Variants in CACYBP observed in about 807,000 individuals in gnomAD.
The protein encoded by CACYBP is calcyclin binding protein, also known as calcyclin-binding protein.
Under a neutral mutation model 29.6 loss-of-function variants are expected in CACYBP, and 11 were observed. That is an observed-to-expected ratio of 0.37 (90% CI 0.23 to 0.61). The LOEUF is 0.61. Among genes scored for constraint, CACYBP ranks in the 20% least tolerant of loss-of-function variants. The pLI is 0.65. For synonymous variants in CACYBP, 73 were observed against 88.3 expected, an observed-to-expected ratio of 0.83 and a Z score of 0.97; for missense variants, 163 against 260.7, an observed-to-expected ratio of 0.63 and a Z score of 2.58.
At chr1:175,007,556 G>A (rs1394934944) in intron 4 of CACYBP, among the ~76,000 whole-genome samples, 1 of 152,218 alleles carries the variant, frequency 6.6e-6, no homozygotes, top group Non-Finnish European at 1.5e-5. Context: ...AGGTAGTTAA[G>A]AGTGAGACTT....
intron 1 of CACYBP, 70 bp from the exon 2 acceptor site, chr1:175,004,544 T>C (rs898321152): frequency 1.1e-6 from 1 of 903,894 alleles, no homozygotes; most frequent in Admixed American, 3.0e-5. Context: ...TAAGTTGAAA[T>C]GAGTGATACG....
At chr1:175,005,883 ACT>A (rs1248014347) in intron 2 of CACYBP, among the ~76,000 whole-genome samples, 1 of 152,076 alleles carries the variant, frequency 6.6e-6, no homozygotes, top group Non-Finnish European at 1.5e-5. Flanking sequence ...TTTCATCAAC[ACT>A]GTTTCTTTTT....
Position 174,999,967 on chromosome 1 carries a change from G to C in CACYBP, c.-214G>C, listed in dbSNP as rs969520096. ...GGCTTGGCGGGCTGTGCGTGCTCGC[G>C]GTGGGCGGTGGCGGCGGCTGCCTCG... On this transcript the variant is annotated 5_prime_UTR_variant, in exon 1 of 6. Coordinates refer to ENST00000367679, the MANE Select transcript of CACYBP (RefSeq NM_014412.3). The C allele has an allele frequency of 1.2e-5, 8 of 641,256 alleles. No individual in the cohort carries two copies. The highest frequency in any genetic ancestry group is 2.0e-5 in the African/African-American group (1 of 51,244). 39.7% of individuals were successfully genotyped at this position (641,256 alleles called of 1,614,324 possible). A position where few individuals can be genotyped will look rare whatever the true frequency, so the allele number is the denominator to read the frequency against.
intron 3 of CACYBP, 42 bp downstream of exon 3, chr1:175,006,883 C>A: frequency 9.2e-7 from 1 of 1,089,920 alleles, no homozygotes; most frequent in Non-Finnish European, 1.4e-6. Context: ...AATTAACAGT[C>A]AACATTGCCT....
intron 4 of CACYBP, among the ~76,000 whole-genome samples, chr1:175,008,314 C>T (rs1672666678): frequency 6.6e-6 from 1 of 152,128 alleles, no homozygotes; most frequent in Non-Finnish European, 1.5e-5. Context: ...GGCTTCGGCT[C>T]AGATTTGCCT....
chr1:175,004,867 C>T, intron 2 of CACYBP, 34 bp downstream of exon 2: 1 of 1,302,212 alleles, frequency 7.7e-7, no homozygotes, highest in Non-Finnish European at 1.1e-6. Flanking sequence ...AGTTCTGCCT[C>T]CGAGCAACCT....
intron 5 of CACYBP, among the ~76,000 whole-genome samples, chr1:175,009,515 A>G (rs1287415783): frequency 2.6e-5 from 4 of 151,748 alleles, no homozygotes; most frequent in Non-Finnish European, 5.9e-5. Flanking sequence ...GCATGGTGGC[A>G]TGTGCCTGTA....
Position 174,999,981 on chromosome 1 carries a change from G to A in CACYBP, c.-200G>A. The A allele has an allele frequency of 1.4e-6, 1 of 697,064 alleles. No individual in the cohort carries two copies. The highest frequency in any genetic ancestry group is 2.3e-6 in the Non-Finnish European group (1 of 429,374). 43.2% of individuals were successfully genotyped at this position (697,064 alleles called of 1,614,324 possible). ...TGCGTGCTCGCGGTGGGCGGTGGCG[G>A]CGGCTGCCTCGCGAAGGTTCGAGAT... On this transcript the variant is annotated 5_prime_UTR_variant, in exon 1 of 6. Coordinates refer to ENST00000367679, the MANE Select transcript of CACYBP (RefSeq NM_014412.3).
Position 175,000,566 on chromosome 1 carries a change from A to G in CACYBP, c.15+371A>G, listed in dbSNP as rs889784602. 3 of 1,156,290 alleles carry G rather than the reference A, an allele frequency of 2.6e-6. No homozygotes were observed. In the South Asian group the frequency reaches 6.4e-5, roughly 25 times the overall value. 71.6% of individuals were successfully genotyped at this position (1,156,290 alleles called of 1,614,324 possible). On this transcript the variant is annotated intron_variant, in intron 1 of 5. Coordinates refer to ENST00000367679, the MANE Select transcript of CACYBP (RefSeq NM_014412.3). ...CATTCAAGCAAAGCTGGGTGCAAAC[A>G]TGAGTGTCGTTCTTGGTAGAGGGCG... is the stretch of plus-strand genomic sequence containing the variant.
At chr1:175,004,036 A>G (rs770670959) in intron 1 of CACYBP, among the ~76,000 whole-genome samples, 16 of 152,234 alleles carry the variant, frequency 1.1e-4, no homozygotes, top group Non-Finnish European at 2.1e-4. Context: ...ACTTTTCCTC[A>G]AAAGCAGAAA....
chr1:175,004,975 C>T (rs1558324887), intron 2 of CACYBP, 142 bp downstream of exon 2: 1 of 701,986 alleles, frequency 1.4e-6, no homozygotes, highest in Non-Finnish European at 2.6e-6. Context: ...TTTAATAAAA[C>T]TTTTTTAAGA....
chr1:175,000,519 C>T, intron 1 of CACYBP: 2 of 1,261,248 alleles, frequency 1.6e-6, no homozygotes, highest in Non-Finnish European at 2.0e-6. Context: ...CCCTGGTTTC[C>T]CAGCCAGTGG....
intron 2 of CACYBP, 132 bp downstream of exon 2, chr1:175,004,965 T>C (rs750023265): frequency 2.8e-5 from 20 of 717,492 alleles, no homozygotes; most frequent in East Asian, 1.3e-4. Context: ...TCAGTTTTTA[T>C]TTAATAAAAC....
Position 175,008,622 on chromosome 1 carries a change from C to T in CACYBP, c.446C>T (p.Thr149Ile), listed in dbSNP as rs1369721180. The change falls in exon 5 of 6, where the codon ACA becomes ATA. Residue 149 changes from threonine to isoleucine, a missense_variant. Transcript: ENST00000367679. The stretch of plus-strand genomic sequence containing the variant: ...CTTTTCTTCCAGGTCAAGACTGATA[C>T]AGTTCTTATATTGTGTAGAAAGAAA... Reference protein sequence around the residue: ...EGSSKKVKTDTVLILCRKKVE... With the variant: ...EGSSKKVKTDIVLILCRKKVE... The T allele has an allele frequency of 2.0e-6, 3 of 1,533,446 alleles. No individual in the cohort carries two copies. The highest frequency in any genetic ancestry group is 1.4e-5 in the African/African-American group (1 of 73,274). The allele number at this position is 1,533,446 out of a possible 1,614,324, so 95.0% of individuals were successfully genotyped here. A position where few individuals can be genotyped will look rare whatever the true frequency, so the allele number is the denominator to read the frequency against.
chr1:175,004,076 T>A (rs1672557929), intron 1 of CACYBP, among the ~76,000 whole-genome samples: 1 of 152,200 alleles, frequency 6.6e-6, no homozygotes, highest in South Asian at 2.1e-4. Flanking sequence ...TCTTAAAAAT[T>A]AAGACTTTTT....
rs747587553 is a variant in CACYBP at position 175,008,641 on chromosome 1, A to G, written c.465A>G (p.Arg155=). The change falls in exon 5 of 6, where the codon AGA becomes AGG. Residue 155 remains arginine, a synonymous_variant. Coordinates refer to ENST00000367679, the MANE Select transcript of CACYBP (RefSeq NM_014412.3). The part of the protein sequence containing the change: ...VKTDTVLILC[R]KKVENTRWDY... ...CTGATACAGTTCTTATATTGTGTAGAAAGAAAGTGGAAAACACAAGGTGGG... is the reference window on the plus strand; with the variant it reads ...CTGATACAGTTCTTATATTGTGTAGGAAGAAAGTGGAAAACACAAGGTGGG... The G allele has an allele frequency of 2.5e-6, 4 of 1,591,652 alleles. No homozygotes were observed. The highest frequency in any genetic ancestry group is 3.4e-6 in the Non-Finnish European group (4 of 1,159,730).
rs1340500055 is a variant in CACYBP at position 175,004,652 on chromosome 1, A to G, written c.54A>G (p.Glu18=). The G allele has an allele frequency of 5.0e-6, 8 of 1,611,286 alleles. No homozygotes were observed. The South Asian group carries it at 8.8e-5, about 18-fold the overall frequency. The change falls in exon 2 of 6, where the codon GAA becomes GAG. Residue 18 remains glutamate (E), a synonymous_variant. Transcript: ENST00000367679. ...TAGAAGAGGTAAAGGTGTTGCTGGA[A>G]AAGGCTACTAGGAAAAGAGTACGTG... ...KDLEEVKVLL[E]KATRKRVRDA...
intron 5 of CACYBP, among the ~76,000 whole-genome samples, chr1:175,009,607 C>A (rs913033083): frequency 1.4e-5 from 2 of 143,238 alleles, no homozygotes; most frequent in Non-Finnish European, 3.0e-5. Context: ...AGATGCGCCA[C>A]TGCACTCCAG....
intron 4 of CACYBP, among the ~76,000 whole-genome samples, chr1:175,007,848 A>G (rs571767369): frequency 6.6e-6 from 1 of 152,216 alleles, no homozygotes; most frequent in Non-Finnish European, 1.5e-5. Context: ...TACTCTTTGT[A>G]ATTTTTACTA....
Sources: gnomAD v4.1 joint callset for allele counts (sites outside exome capture counted in the v4.1 genomes callset) on GRCh38, gnomAD v4.1.1 for gene constraint, MANE v1.5 for transcripts, NCBI Gene and HGNC (gene_info 2026-07-23, HGNC 2026-07-21) for gene names.